RHPN1: variants seen among roughly 807,000 people sequenced by gnomAD.
RHPN1 encodes rhophilin-1.
In RHPN1, 77 loss-of-function variants were observed where a neutral mutation model predicts 74.7. That is an observed-to-expected ratio of 1.03 (90% CI 0.86 to 1.25). The LOEUF is 1.25. Ranked by LOEUF, RHPN1 falls within the 50% of genes most tolerant of loss-of-function variation. RHPN1 has a pLI of 0.00. For missense variants in RHPN1, 987 were observed against 932.2 expected (o/e 1.06, Z -0.77); for synonymous variants, 444 against 414.5 (o/e 1.07, Z -0.87).
intron 4 of RHPN1, among the ~76,000 whole-genome samples, chr8:143,377,985 T>C (rs555479982): frequency 2.0e-4 from 31 of 152,300 alleles, no homozygotes; most frequent in Admixed American, 1.8e-3. Flanking sequence ...AAAGTAGCGC[T>C]GAGTCTCCAG....
intron 5 of RHPN1, 99 bp from the exon 6 acceptor site, chr8:143,378,597 C>A: frequency 1.4e-6 from 2 of 1,446,610 alleles, no homozygotes; most frequent in South Asian, 1.3e-5. Context: ...GCTTTGCCTC[C>A]CCGCCCCCCA....
intron 1 of RHPN1, among the ~76,000 whole-genome samples, chr8:143,369,628 T>C (rs1410155143): frequency 1.3e-5 from 2 of 152,020 alleles, no homozygotes; most frequent in Admixed American, 1.3e-4. Context: ...ACCTGCTGAG[T>C]CTGTGCCTGG....
In RHPN1 at chr8:143,374,129, C is replaced by G. The variant is rs1211040097; in HGVS notation, c.61-1424C>G. The G allele has an allele frequency of 5.1e-6, 5 of 985,026 alleles. No individual in the cohort carries two copies. The African/African-American group carries it at 7.0e-5, about 14-fold the overall frequency. 61.0% of individuals were successfully genotyped at this position (985,026 alleles called of 1,614,324 possible). On this transcript the variant is annotated intron_variant, in intron 1 of 14. Coordinates refer to ENST00000289013, the MANE Select transcript of RHPN1 (RefSeq NM_052924.3). The stretch of plus-strand genomic sequence containing the variant: ...CGTTCACATTAGCAAAAAGAACTCT[C>G]TCCAGATATCTAGGAGAAAACCCAG...
upstream of RHPN1, among the ~76,000 whole-genome samples, chr8:143,364,481 C>T (rs1167522159): frequency 6.6e-6 from 1 of 152,140 alleles, no homozygotes. The surrounding 1 kb of genome is among the most constrained non-coding windows in gnomAD (Gnocchi z 4.5). Flanking sequence ...CTTACGGAGG[C>T]CCCACCAGGG....
chr8:143,378,284 C>A lies in RHPN1; in HGVS notation c.397C>A (p.His133Asn). 1 of 1,574,890 alleles carries A rather than the reference C, an allele frequency of 6.3e-7. No homozygotes were observed. Among genetic ancestry groups the A allele is most frequent in the Non-Finnish European group, 8.6e-7 (1 of 1,160,530 alleles). Residue 133 changes from histidine to asparagine, a missense_variant, in exon 5 of 15, where the codon CAC (histidine) becomes AAC (asparagine). Physicochemically the swap from His to Asn is moderately conservative, Grantham distance 68 (BLOSUM62 1). Transcript: ENST00000289013. ...CCCCCATCAGGAGCTGATCTCAGTGCACTTTGGAGAGGACGGCGCCTCCTA... is the reference window on the plus strand; with the variant it reads ...CCCCCATCAGGAGCTGATCTCAGTGAACTTTGGAGAGGACGGCGCCTCCTA... ...STPLKELISV[H>N]FGEDGASYEA...
chr8:143,376,785 TG>T, intron 3 of RHPN1, 132 bp downstream of exon 3: 1 of 1,079,410 alleles, frequency 9.3e-7, no homozygotes, highest in South Asian at 1.5e-5. Flanking sequence ...CGTGTGTGCA[TG>T]TGTGTGCATG....
chr8:143,378,473 C>A, intron 5 of RHPN1, 127 bp downstream of exon 5: 1 of 997,758 alleles, frequency 1.0e-6, no homozygotes, highest in South Asian at 1.5e-5. Flanking sequence ...GAGACGGGCG[C>A]ACCAGGGGCC....
Position 143,368,880 on chromosome 8 carries a change from A to T in RHPN1, c.-108A>T. 4.0e-6 allele frequency: 3 copies of T among 756,606 alleles called. No homozygotes were observed. The highest frequency in any genetic ancestry group is 5.5e-6 in the Non-Finnish European group (3 of 545,412). 46.9% of individuals were successfully genotyped at this position (756,606 alleles called of 1,614,324 possible). On this transcript the variant is annotated 5_prime_UTR_variant, in exon 1 of 15. Coordinates refer to ENST00000289013, the MANE Select transcript of RHPN1 (RefSeq NM_052924.3). Reference sequence around the variant, plus strand: ...CAGTCGGGGACCGGCGCGGGCACTCAGGAGCCCGCGGCCCAGGTGGTGCGG... The same window carrying T: ...CAGTCGGGGACCGGCGCGGGCACTCTGGAGCCCGCGGCCCAGGTGGTGCGG...
At position 143,382,893 on chromosome 8, in the gene RHPN1, T is replaced by A. The variant is rs1270387603; in HGVS notation, c.*242T>A. 4 of 558,268 alleles carry A rather than the reference T, an allele frequency of 7.2e-6. No individual in the cohort carries two copies. In the African/African-American group the frequency reaches 7.5e-5, roughly 11 times the overall value. 34.6% of individuals were successfully genotyped at this position (558,268 alleles called of 1,614,324 possible). On this transcript the variant is annotated 3_prime_UTR_variant, in exon 15 of 15. Transcript: ENST00000289013. ...CTCTGTCGGTCTGAGGTCAGCTTCC[T>A]GGGGCTGCCCCACCCTGAGGGCTCC...
In RHPN1 at chr8:143,380,131, G is replaced by A. The variant is rs746526373; in HGVS notation, c.1172G>A (p.Arg391Gln). The A allele has an allele frequency of 4.5e-6, 7 of 1,550,226 alleles. No homozygotes were observed. Among genetic ancestry groups the A allele is most frequent in the African/African-American group, 4.1e-5 (3 of 73,158 alleles). ...FLQPPTSSKP[R>Q]GPVLPQELEE... is the part of the protein sequence containing the mutation. Reference sequence around the variant, plus strand: ...CAGCCCCCCACCTCCTCTAAGCCCCGAGGCCCTGTGCTGCCGCAGGAGCTG... The same window carrying A: ...CAGCCCCCCACCTCCTCTAAGCCCCAAGGCCCTGTGCTGCCGCAGGAGCTG... The change falls in exon 10 of 15, where the codon CGA (arginine) becomes CAA (glutamine). Residue 391 changes from arginine (R) to glutamine (Q), a missense_variant. Physicochemically the swap from Arg to Gln is conservative, Grantham distance 43. Transcript: ENST00000289013.
chr8:143,378,860 G>T (rs1050195409), intron 6 of RHPN1, 40 bp downstream of exon 6: 1 of 1,569,682 alleles, frequency 6.4e-7, no homozygotes, highest in Non-Finnish European at 8.6e-7. Context: ...GGGAGGGGAG[G>T]CCCAGCTGCG....
chr8:143,371,943 C>T (rs1165000193), intron 1 of RHPN1, among the ~76,000 whole-genome samples: 1 of 152,246 alleles, frequency 6.6e-6, no homozygotes, highest in African/African-American at 2.4e-5. Flanking sequence ...CCGCCCACCT[C>T]CAAGGTCTAC....
At position 143,381,901 on chromosome 8, in the gene RHPN1, C is replaced by T. The variant is rs1432112739; in HGVS notation, c.1730C>T (p.Ala577Val). ...RHAEVVTELK[A>V]AGEAGASLQV... is the part of the protein sequence containing the mutation. ...GCGGAGGTGGTGACGGAGCTGAAGG[C>T]TGCGGGAGAGGCGGGCGCCAGCCTG... The change falls in exon 14 of 15, where the codon GCT (alanine) becomes GTT (valine). Residue 577 changes from alanine to valine, a missense_variant. By Grantham distance (64) the Ala-to-Val change is moderately conservative. Coordinates refer to ENST00000289013, the MANE Select transcript of RHPN1 (RefSeq NM_052924.3). 5.0e-6 allele frequency: 8 copies of T among 1,612,534 alleles called. No homozygotes were observed. Among genetic ancestry groups the T allele is most frequent in the Admixed American group, 1.7e-5 (1 of 59,964 alleles).
At chr8:143,376,383 T>A in intron 2 of RHPN1, 142 bp from the exon 3 acceptor site, 2 of 1,170,802 alleles carry the variant, frequency 1.7e-6, no homozygotes, top group Non-Finnish European at 2.4e-6. Context: ...GCCCCACCCA[T>A]GGGGGGCAGA....
In RHPN1 at chr8:143,379,478, C is replaced by T; in HGVS notation, c.915C>T (p.Ala305=). The T allele has an allele frequency of 6.4e-7, 1 of 1,564,284 alleles. No homozygotes were observed. The highest frequency in any genetic ancestry group is 8.7e-7 in the Non-Finnish European group (1 of 1,154,940). ...PASMAPQDCL[A]QLRLAQEAAQ... is the part of the protein sequence containing the mutation. Reference sequence around the variant, plus strand: ...CCATGGCCCCCCAAGACTGCCTGGCCCAGCTGCGCCTGGCGCAGGAGGCCG... The same window carrying T: ...CCATGGCCCCCCAAGACTGCCTGGCTCAGCTGCGCCTGGCGCAGGAGGCCG... Residue 305 remains alanine (A), a synonymous_variant, in exon 8 of 15, where the codon GCC becomes GCT. Transcript: ENST00000289013.
In RHPN1 at chr8:143,382,396, A is replaced by G. The variant is rs1007795823; in HGVS notation, c.1798-40A>G. 4 of 1,520,114 alleles carry G rather than the reference A, an allele frequency of 2.6e-6. No individual in the cohort carries two copies. In the African/African-American group the frequency reaches 5.5e-5, roughly 21 times the overall value. 94.2% of individuals were successfully genotyped at this position (1,520,114 alleles called of 1,614,324 possible). A position where few individuals can be genotyped will look rare whatever the true frequency, so the allele number is the denominator to read the frequency against. On this transcript the variant is annotated intron_variant, in intron 14 of 14. Coordinates refer to ENST00000289013, the MANE Select transcript of RHPN1 (RefSeq NM_052924.3). The stretch of plus-strand genomic sequence containing the variant: ...GACTGGCTGCAGGTGGGGACAGGCC[A>G]GCAGTGGCTGACCACAGTCTGTCTC...
rs780121829 is a variant in RHPN1 at position 143,379,375 on chromosome 8, C to T, written c.812C>T (p.Ala271Val). 6.2e-6 allele frequency: 10 copies of T among 1,601,452 alleles called. No individual in the cohort carries two copies. Among genetic ancestry groups the T allele is most frequent in the South Asian group, 4.5e-5 (4 of 88,860 alleles). The change falls in exon 8 of 15, where the codon GCG (alanine) becomes GTG (valine). Residue 271 changes from alanine (A) to valine (V), a missense_variant. Transcript: ENST00000289013. Reference protein sequence around the residue: ...SHAPSPDMSAASLCALEQLMM... With the variant: ...SHAPSPDMSAVSLCALEQLMM... ...GCGCCGAGCCCAGACATGAGCGCTG[C>T]GTCCCTCTGCGCACTGGAGCAGCTC...
intron 10 of RHPN1, 134 bp downstream of exon 10, chr8:143,380,309 G>C: frequency 1.4e-6 from 1 of 727,992 alleles, no homozygotes; most frequent in Non-Finnish European, 2.2e-6. Context: ...CCTATCCCTG[G>C]ATGGCCTGTG....
At chr8:143,370,416 C>T (rs1481526442) in intron 1 of RHPN1, among the ~76,000 whole-genome samples, 7 of 152,210 alleles carry the variant, frequency 4.6e-5, no homozygotes, top group Admixed American at 2.6e-4. Flanking sequence ...AAGTCTTCCC[C>T]GATGCCTGCT....
Sources: allele counts gnomAD v4.1 joint callset (sites outside exome capture counted in the v4.1 genomes callset), GRCh38; gene constraint gnomAD v4.1.1; non-coding constraint Gnocchi (gnomAD v3.1); transcripts MANE v1.5; gene names NCBI Gene and HGNC (gene_info 2026-07-23, HGNC 2026-07-21).